The following PRKRIP1 variants were observed in gnomAD, a reference collection of about 807,000 sequenced individuals.
PRKRIP1 encodes PRKR-interacting protein 1.
Under a neutral mutation model 29.3 loss-of-function variants are expected in PRKRIP1, and 29 were observed. The observed-to-expected ratio is 0.99, with a 90% CI of 0.74 to 1.35. The LOEUF is 1.35. Ranked by LOEUF, PRKRIP1 falls within the 40% of genes most tolerant of loss-of-function variation. The pLI is 0.00. For synonymous variants in PRKRIP1, 90 were observed against 85.1 expected, an observed-to-expected ratio of 1.06 and a Z score of -0.32; for missense variants, 247 against 236.8, an observed-to-expected ratio of 1.04 and a Z score of -0.28.
In PRKRIP1 at chr7:102,396,370, C is replaced by G. The variant is rs781999063; in HGVS notation, c.-42C>G. On this transcript the variant is annotated 5_prime_UTR_variant, in exon 1 of 6. Coordinates refer to ENST00000397912, the MANE Select transcript of PRKRIP1 (RefSeq NM_024653.4). ...GCGCGCGGCTGTGTCGTCATACTTG[C>G]GCGCCGACGCCGCCGCTCGCTTGTG... is the stretch of plus-strand genomic sequence containing the variant. The G allele has an allele frequency of 3.4e-6, 5 of 1,482,618 alleles. No homozygotes were observed. The highest frequency in any genetic ancestry group is 1.4e-5 in the African/African-American group (1 of 69,744). 91.8% of individuals were successfully genotyped at this position (1,482,618 alleles called of 1,614,324 possible).
At chr7:102,407,564 T>C in intron 5 of PRKRIP1, 66 bp downstream of exon 5, 1 of 1,213,970 alleles carries the variant, frequency 8.2e-7, no homozygotes. Flanking sequence ...GGCTGAACTG[T>C]CAGGAAACAC....
chr7:102,401,449 G>C (rs185624590), intron 3 of PRKRIP1, among the ~76,000 whole-genome samples: 192 of 152,266 alleles, frequency 1.3e-3, no homozygotes, highest in Admixed American at 2.2e-3. Flanking sequence ...TTCTGCTTTG[G>C]GGGGCCAGCC....
chr7:102,417,620 C>CTTTTT (rs1276644958), intron 5 of PRKRIP1, among the ~76,000 whole-genome samples: 3 of 127,406 alleles, frequency 2.4e-5, no homozygotes, highest in South Asian at 2.5e-4. Context: ...TTGTGGGTAC[C>CTTTTT]TTTTTTTTTT....
At chr7:102,421,625 C>T (rs782710207) in intron 5 of PRKRIP1, among the ~76,000 whole-genome samples, 61 of 152,068 alleles carry the variant, frequency 4.0e-4, no homozygotes, top group Non-Finnish European at 8.2e-4. Context: ...GGTGAAACCC[C>T]GTCTCTACTA....
intron 5 of PRKRIP1, among the ~76,000 whole-genome samples, chr7:102,416,221 C>T (rs1796533403): frequency 6.6e-6 from 1 of 152,178 alleles, no homozygotes; most frequent in African/African-American, 2.4e-5. Flanking sequence ...TCAAAATAAG[C>T]CTCATTTTAG....
intron 5 of PRKRIP1, among the ~76,000 whole-genome samples, chr7:102,415,073 C>T (rs1262608101): frequency 1.3e-5 from 2 of 152,288 alleles, no homozygotes; most frequent in African/African-American, 4.8e-5. Flanking sequence ...CAACATTTTA[C>T]TCTTCCTCCA....
chr7:102,407,758 A>T (rs1178427857), intron 5 of PRKRIP1, among the ~76,000 whole-genome samples: 1 of 136,370 alleles, frequency 7.3e-6, no homozygotes. Flanking sequence ...GATCAGTGAC[A>T]TTATTGGTTA....
intron 2 of PRKRIP1, 52 bp from the exon 3 acceptor site, chr7:102,399,496 C>T: frequency 7.0e-7 from 1 of 1,436,874 alleles, no homozygotes; most frequent in Non-Finnish European, 9.8e-7. Context: ...TTAAGGGTGA[C>T]CTGTGTTGGT....
In PRKRIP1 at chr7:102,425,128, C is replaced by T. The variant is rs782540550; in HGVS notation, c.*17C>T. ...GGGCGATGACAATGTTTGCCACAGCCTCTGCCTGGAACCTGGCTCGTGCTG... is the reference window on the plus strand; with the variant it reads ...GGGCGATGACAATGTTTGCCACAGCTTCTGCCTGGAACCTGGCTCGTGCTG... On this transcript the variant is annotated 3_prime_UTR_variant, in exon 6 of 6. Transcript: ENST00000397912. 4.5e-5 allele frequency: 73 copies of T among 1,606,914 alleles called. No homozygotes were observed. Among genetic ancestry groups the T allele is most frequent in the Non-Finnish European group, 6.1e-5 (72 of 1,178,708 alleles).
chr7:102,419,987 T>C (rs10276094), intron 5 of PRKRIP1, among the ~76,000 whole-genome samples: 11,740 of 151,946 alleles, frequency 0.077, 512 homozygotes, highest in African/African-American at 0.11. Flanking sequence ...TTCACAGGTT[T>C]AAGCAATTCT....
chr7:102,424,382 C>T lies in PRKRIP1; in HGVS notation c.458-632C>T, dbSNP rs117291455. ...GCCATCTGCTGCCTTGTGGTCTCTG[C>T]CTCTGCCTTTCCAACTCTCACTTGT... On this transcript the variant is annotated intron_variant, in intron 5 of 5. Coordinates refer to ENST00000397912, the MANE Select transcript of PRKRIP1 (RefSeq NM_024653.4). 5.3e-5 allele frequency among the ~76,000 whole-genome samples: 8 copies of T among 152,378 alleles called. No individual in the cohort carries two copies. In the East Asian group the frequency reaches 1.5e-3, roughly 29 times the overall value.
chr7:102,422,588 G>A (rs1796723931), intron 5 of PRKRIP1, among the ~76,000 whole-genome samples: 2 of 150,086 alleles, frequency 1.3e-5, no homozygotes, highest in South Asian at 2.1e-4. Flanking sequence ...GTGATTCACC[G>A]GCCTCGGCTG....
chr7:102,399,399 A>C (rs1796005449), intron 2 of PRKRIP1, 149 bp from the exon 3 acceptor site: 1 of 643,044 alleles, frequency 1.6e-6, no homozygotes, highest in South Asian at 1.8e-5. Context: ...TATGCCAGGT[A>C]CTGGGCCAGT....
intron 5 of PRKRIP1, among the ~76,000 whole-genome samples, chr7:102,424,505 G>C (rs1796784802): frequency 6.6e-6 from 1 of 152,256 alleles, no homozygotes; most frequent in Admixed American, 6.5e-5. Flanking sequence ...CAGGGAACCT[G>C]TGCTGCTCAC....
intron 3 of PRKRIP1, among the ~76,000 whole-genome samples, chr7:102,402,516 TA>T (rs1375951547): frequency 6.6e-6 from 1 of 152,068 alleles, no homozygotes; most frequent in African/African-American, 2.4e-5. Context: ...GAAACACTTT[TA>T]TAAACTATTT....
chr7:102,421,776 A>G (rs951997443), intron 5 of PRKRIP1, among the ~76,000 whole-genome samples: 2 of 151,738 alleles, frequency 1.3e-5, no homozygotes, highest in African/African-American at 4.8e-5. Flanking sequence ...TAGCCTGGTG[A>G]CAGTGTGAGA....
At chr7:102,424,170 G>GC (rs1309636878) in intron 5 of PRKRIP1, among the ~76,000 whole-genome samples, 1 of 152,250 alleles carries the variant, frequency 6.6e-6, no homozygotes, top group Admixed American at 6.5e-5. Flanking sequence ...CTGCTTAGAG[G>GC]CCCTTTGTCT....
intron 5 of PRKRIP1, chr7:102,423,120 C>CTTTTCTTTTTTTT (rs1796739982): frequency 3.6e-6 from 1 of 279,178 alleles, no homozygotes; most frequent in Non-Finnish European, 7.3e-6. Context: ...ACCCTATGCT[C>CTTTTCTTTTTTTT]TTTTTTTTTT....
At chr7:102,418,876 A>C (rs144373680) in intron 5 of PRKRIP1, among the ~76,000 whole-genome samples, 1 of 151,924 alleles carries the variant, frequency 6.6e-6, no homozygotes, top group Non-Finnish European at 1.5e-5. Context: ...TAAAAAAAAA[A>C]TTTGAGACGA....
Sources: allele counts gnomAD v4.1 joint callset (sites outside exome capture counted in the v4.1 genomes callset), GRCh38; gene constraint gnomAD v4.1.1; transcripts MANE v1.5; gene names NCBI Gene and HGNC (gene_info 2026-07-23, HGNC 2026-07-21).